GADL1: variants seen among roughly 807,000 people sequenced by gnomAD.
The protein encoded by GADL1 is acidic amino acid decarboxylase GADL1.
Under a neutral mutation model 69.5 loss-of-function variants are expected in GADL1, and 71 were observed. That is an observed-to-expected ratio of 1.02 (90% CI 0.84 to 1.25). GADL1 has a LOEUF of 1.25. Among genes scored for constraint, GADL1 ranks in the 50% most tolerant of loss-of-function variants. The pLI, the probability that GADL1 is intolerant of heterozygous loss-of-function variation, is 0.00. For missense variants in GADL1, 737 were observed against 631.8 expected, an observed-to-expected ratio of 1.17 and a Z score of -1.79; for synonymous variants, 254 against 214.4, an observed-to-expected ratio of 1.18 and a Z score of -1.62.
chr3:30,804,306 T>C (rs960336797), intron 11 of GADL1, among the ~76,000 whole-genome samples: 8 of 135,062 alleles, frequency 5.9e-5, no homozygotes, highest in African/African-American at 2.3e-4. Context: ...AGCTTCCAGG[T>C]AGAATCTGTG....
intron 14 of GADL1, among the ~76,000 whole-genome samples, chr3:30,742,561 A>G (rs1695642018): frequency 6.6e-6 from 1 of 152,078 alleles, no homozygotes; most frequent in African/African-American, 2.4e-5. Context: ...TTTAAAATGA[A>G]CATATTTGGG....
rs143274442 is a variant in GADL1, at chr3:30,746,494, T to A, written c.1393-18079A>T. Among the ~76,000 whole-genome samples, 136 of 152,272 alleles carry A rather than the reference T, an allele frequency of 8.9e-4. No individual in the cohort carries two copies. In the Middle Eastern group the frequency reaches 0.014, roughly 15 times the overall value. On this transcript the variant is annotated intron_variant, in intron 14 of 14. Transcript: ENST00000282538. ...TGAGAGATGCTAATAGTCATCACCA[T>A]CAATATTTTCACAGGGGCATAAAAA... is the stretch of plus-strand genomic sequence containing the variant.
At chr3:30,826,812 A>AG (rs1697689810) in intron 11 of GADL1, among the ~76,000 whole-genome samples, 1 of 151,894 alleles carries the variant, frequency 6.6e-6, no homozygotes, top group Non-Finnish European at 1.5e-5. Context: ...CCTAGGGGAA[A>AG]GACAATATGG....
chr3:30,749,455 G>C (rs1322353003), intron 14 of GADL1, among the ~76,000 whole-genome samples: 1 of 152,192 alleles, frequency 6.6e-6, no homozygotes, highest in Non-Finnish European at 1.5e-5. Flanking sequence ...CTAATTAGCT[G>C]TCACTATCTT....
At position 30,806,193 on chromosome 3, in the gene GADL1, T is replaced by C. The variant is rs188145180; in HGVS notation, c.1051-5105A>G. Among the ~76,000 whole-genome samples the C allele has an allele frequency of 4.3e-4, 66 of 152,268 alleles. 2 individuals carry two copies. Among genetic ancestry groups the C allele is most frequent in the Middle Eastern group, 3.4e-3 (1 of 294 alleles). ...ATGGCCCTTCCTATATTCTGTCCTA[T>C]GTCACCATATTTACATGCAAAAAAA... On this transcript the variant is annotated intron_variant, in intron 11 of 14. Transcript: ENST00000282538.
At position 30,883,397 on chromosome 3, in the gene GADL1, AAG is replaced by A. The variant is rs777892109; in HGVS notation, c.37+11179_37+11180del. On this transcript the variant is annotated intron_variant, in intron 1 of 14. Coordinates refer to ENST00000282538, the MANE Select transcript of GADL1 (RefSeq NM_207359.3). ...TCAGTATTCCCAGCACCATTTATTG[AAG>A]AGACTGTTCTTTCTCCATAGAGTGG... Among the ~76,000 whole-genome samples, 13 of 152,070 alleles carry A rather than the reference AAG, an allele frequency of 8.5e-5. No homozygotes were observed. The South Asian group carries it at 2.7e-3, about 32-fold the overall frequency.
intron 14 of GADL1, among the ~76,000 whole-genome samples, chr3:30,758,254 T>C (rs150895809): frequency 1.3e-5 from 2 of 152,328 alleles, no homozygotes; most frequent in African/African-American, 2.4e-5. Context: ...CAAGTATGTA[T>C]TCTTAGTGAA....
intron 14 of GADL1, among the ~76,000 whole-genome samples, chr3:30,735,345 A>G (rs1016904257): frequency 1.3e-5 from 2 of 152,156 alleles, no homozygotes; most frequent in African/African-American, 4.8e-5. Flanking sequence ...GTCTTCATGA[A>G]AAAAGAAATG....
chr3:30,789,213 G>A (rs1014574353), intron 12 of GADL1, among the ~76,000 whole-genome samples: 4 of 152,222 alleles, frequency 2.6e-5, no homozygotes, highest in South Asian at 2.1e-4. Flanking sequence ...GTGTTAGCAA[G>A]CATGGAAACA....
intron 14 of GADL1, among the ~76,000 whole-genome samples, chr3:30,739,024 C>T (rs1204539002): frequency 6.6e-6 from 1 of 152,182 alleles, no homozygotes; most frequent in Admixed American, 6.6e-5. Context: ...CTCTTCTGGG[C>T]ATAAAGGCAA....
At chr3:30,862,024 G>A (rs367854720) in intron 1 of GADL1, among the ~76,000 whole-genome samples, 55 of 151,898 alleles carry the variant, frequency 3.6e-4, no homozygotes, top group African/African-American at 1.3e-3. Flanking sequence ...ACTGGGCTGA[G>A]TTAGTCATGG....
chr3:30,869,069 T>C (rs889913377), intron 1 of GADL1, among the ~76,000 whole-genome samples: 27 of 128,536 alleles, frequency 2.1e-4, no homozygotes, highest in Non-Finnish European at 3.2e-4. Context: ...TGCCTGTGGA[T>C]ACAGAAGTAA....
In GADL1 at chr3:30,857,107, T is replaced by C; in HGVS notation, c.245A>G (p.Gln82Arg). 6.5e-7 allele frequency: 1 copy of C among 1,550,200 alleles called. No individual in the cohort carries two copies. Among genetic ancestry groups the C allele is most frequent in the Non-Finnish European group, 8.7e-7 (1 of 1,145,824 alleles). The change falls in exon 3 of 15, where the codon CAG (glutamine) becomes CGG (arginine). Residue 82 changes from glutamine to arginine, a missense_variant. Physicochemically the swap from Gln to Arg is conservative, Grantham distance 43 (BLOSUM62 1). Transcript: ENST00000282538. Reference protein sequence around the residue: ...CEWRPPEQLKQLLDLEMRDSG... With the variant: ...CEWRPPEQLKRLLDLEMRDSG... ...GTCTCTCATCTCCAAATCAAGAAGCTGTTTCAGTTGTTCAGGAGGCCTCCA... is the reference window on the plus strand; with the variant it reads ...GTCTCTCATCTCCAAATCAAGAAGCCGTTTCAGTTGTTCAGGAGGCCTCCA...
intron 4 of GADL1, among the ~76,000 whole-genome samples, chr3:30,851,675 G>C (rs1041934330): frequency 7.2e-5 from 11 of 152,074 alleles, no homozygotes; most frequent in African/African-American, 2.2e-4. Context: ...TAAAGGCCTA[G>C]CCGTCTGGGC....
At chr3:30,853,984 A>G (rs765119212) in intron 4 of GADL1, among the ~76,000 whole-genome samples, 1 of 151,890 alleles carries the variant, frequency 6.6e-6, no homozygotes, top group Non-Finnish European at 1.5e-5. Context: ...TGGGCCCTAT[A>G]TGTCTGGCTT....
rs537668373 is a variant in GADL1 at position 30,731,270 on chromosome 3, T to C, written c.1393-2855A>G. Among the ~76,000 whole-genome samples, 18 of 152,360 alleles carry C rather than the reference T, an allele frequency of 1.2e-4. No homozygotes were observed. In the South Asian group the frequency reaches 3.3e-3, roughly 28 times the overall value. ...CCAGGGTATAACTGGCTCTGGCTTG[T>C]AGCCAATTTTAAATGTAAAACAGGC... On this transcript the variant is annotated intron_variant, in intron 14 of 14. Coordinates refer to ENST00000282538, the MANE Select transcript of GADL1 (RefSeq NM_207359.3).
At chr3:30,745,894 C>A (rs974529262) in intron 14 of GADL1, among the ~76,000 whole-genome samples, 2 of 151,884 alleles carry the variant, frequency 1.3e-5, no homozygotes, top group African/African-American at 4.8e-5. Context: ...TATTAAAATT[C>A]TCTTCCCTTA....
chr3:30,821,386 TATA>T (rs1283420898), intron 11 of GADL1, among the ~76,000 whole-genome samples: 1 of 151,966 alleles, frequency 6.6e-6, no homozygotes, highest in African/African-American at 2.4e-5. Context: ...AGTAAACTGA[TATA>T]ATGTGTGTCT....
intron 14 of GADL1, among the ~76,000 whole-genome samples, chr3:30,769,757 T>TTG (rs1696374591): frequency 6.6e-6 from 1 of 152,144 alleles, no homozygotes; most frequent in African/African-American, 2.4e-5. Context: ...CACCCACTAC[T>TTG]TGACAGATCT....
Sources: gnomAD v4.1 joint callset for allele counts (sites outside exome capture counted in the v4.1 genomes callset) on GRCh38, gnomAD v4.1.1 for gene constraint, MANE v1.5 for transcripts, NCBI Gene and HGNC (gene_info 2026-07-23, HGNC 2026-07-21) for gene names.